Variants in SVEP1 observed in about 807,000 individuals in gnomAD.
The protein encoded by SVEP1 is sushi, von Willebrand factor type A, EGF and pentraxin domain-containing protein 1.
SVEP1 carries 164 observed loss-of-function variants against 367.3 expected under a neutral mutation model. That is an observed-to-expected ratio of 0.45 (90% CI 0.39 to 0.51). The LOEUF is 0.51. Among genes scored for constraint, SVEP1 ranks in the 20% least tolerant of loss-of-function variants. The pLI is 0.00. For missense variants in SVEP1, 4,117 were observed against 4,425.3 expected, an observed-to-expected ratio of 0.93 and a Z score of 1.98; for synonymous variants, 1,666 against 1,611.6, an observed-to-expected ratio of 1.03 and a Z score of -0.81.
intron 5 of SVEP1, among the ~76,000 whole-genome samples, chr9:110,505,044 G>A (rs759447750): frequency 1.8e-4 from 27 of 152,086 alleles, no homozygotes; most frequent in Non-Finnish European, 3.7e-4. Context: ...TGCTGAAAAC[G>A]CCCCCGTACC....
At chr9:110,388,428 T>C (rs1827559404) in intron 41 of SVEP1, among the ~76,000 whole-genome samples, 1 of 152,114 alleles carries the variant, frequency 6.6e-6, no homozygotes, top group African/African-American at 2.4e-5. Context: ...TTCTCAAGTT[T>C]GGCCGTACCT....
intron 22 of SVEP1, among the ~76,000 whole-genome samples, chr9:110,454,529 T>C (rs1828746969): frequency 6.6e-6 from 1 of 152,222 alleles, no homozygotes; most frequent in Non-Finnish European, 1.5e-5. Flanking sequence ...CCAGTGCTAT[T>C]TACAATAGCA....
intron 3 of SVEP1, among the ~76,000 whole-genome samples, chr9:110,527,909 T>C (rs937467693): frequency 2.0e-5 from 3 of 151,698 alleles, no homozygotes; most frequent in African/African-American, 7.3e-5. Context: ...CTGTATGCTT[T>C]GGCATACCCA....
chr9:110,482,086 T>C (rs1829199835), intron 11 of SVEP1, among the ~76,000 whole-genome samples: 1 of 152,240 alleles, frequency 6.6e-6, no homozygotes. Context: ...TCAGAATCTG[T>C]CTTCTCAAAC....
At chr9:110,384,729 C>T (rs1827494164) in intron 43 of SVEP1, among the ~76,000 whole-genome samples, 1 of 152,156 alleles carries the variant, frequency 6.6e-6, no homozygotes. Context: ...ATTTTGAGGA[C>T]AGAATTCAAA....
intron 7 of SVEP1, 110 bp downstream of exon 7, chr9:110,498,931 A>G: frequency 1.1e-6 from 1 of 921,308 alleles, no homozygotes. Context: ...GCACCTAACC[A>G]TATTATCATG....
At chr9:110,569,179 T>C (rs984806432) in intron 1 of SVEP1, among the ~76,000 whole-genome samples, 5 of 151,238 alleles carry the variant, frequency 3.3e-5, no homozygotes, top group Non-Finnish European at 7.4e-5. Context: ...TATCTGCTAG[T>C]GCTATAGGAT....
intron 41 of SVEP1, among the ~76,000 whole-genome samples, chr9:110,387,947 T>TTAAA (rs1827552067): frequency 6.9e-6 from 1 of 144,396 alleles, no homozygotes; most frequent in Non-Finnish European, 1.5e-5. Context: ...TTTAAATTAT[T>TTAAA]TTTCATCTGA....
chr9:110,529,618 T>C (rs1177430470), intron 3 of SVEP1, among the ~76,000 whole-genome samples: 1 of 147,404 alleles, frequency 6.8e-6, no homozygotes, highest in Non-Finnish European at 1.5e-5. Context: ...GTTTTTTTTT[T>C]GTTACTATTG....
At chr9:110,399,338 C>T (rs1827820645) in intron 40 of SVEP1, among the ~76,000 whole-genome samples, 1 of 140,530 alleles carries the variant, frequency 7.1e-6, no homozygotes, top group Non-Finnish European at 1.5e-5. Context: ...CACACTGGGT[C>T]CTGTTGTGGG....
chr9:110,461,117 T>C (rs866325223), intron 18 of SVEP1, among the ~76,000 whole-genome samples: 1 of 152,220 alleles, frequency 6.6e-6, no homozygotes, highest in Middle Eastern at 3.2e-3. Flanking sequence ...TAACCAAATC[T>C]GAAATTCTCT....
In SVEP1 at chr9:110,431,932, T is replaced by A; in HGVS notation, c.5336A>T (p.Asp1779Val). ...ICSCVPPYTG[D>V]GKNCAEPIKC... Reference sequence around the variant, plus strand: ...TTGGTTACCTGCACAGTTTTTCCCATCTCCTGTGTACGGTGGGACACATGA... The same window carrying A: ...TTGGTTACCTGCACAGTTTTTCCCAACTCCTGTGTACGGTGGGACACATGA... Residue 1779 changes from aspartate to valine, a missense_variant, in exon 32 of 48, where the codon GAT becomes GTT. Physicochemically the swap from Asp to Val is radical, Grantham distance 152. Coordinates refer to ENST00000374469, the MANE Select transcript of SVEP1 (RefSeq NM_153366.4). 6.2e-7 allele frequency: 1 copy of A among 1,613,658 alleles called. No individual in the cohort carries two copies. The highest frequency in any genetic ancestry group is 8.5e-7 in the Non-Finnish European group (1 of 1,179,666).
intron 1 of SVEP1, among the ~76,000 whole-genome samples, chr9:110,574,641 A>G (rs890067482): frequency 6.6e-6 from 1 of 151,984 alleles, no homozygotes; most frequent in African/African-American, 2.4e-5. Context: ...TCTAAATCTT[A>G]TATTTTAGTT....
chr9:110,458,681 C>T (rs1828813154), intron 19 of SVEP1, 119 bp from the exon 20 acceptor site: 7 of 1,057,454 alleles, frequency 6.6e-6, no homozygotes, highest in Admixed American at 2.8e-5. Flanking sequence ...TATTTTGTTT[C>T]ACTTATATTT....
At chr9:110,489,624 G>C in intron 9 of SVEP1, 26 bp downstream of exon 9, 1 of 1,595,954 alleles carries the variant, frequency 6.3e-7, no homozygotes, top group Non-Finnish European at 8.5e-7. Context: ...GTTTGGATGG[G>C]GAAACAACCA....
chr9:110,472,431 A>T, intron 14 of SVEP1, 108 bp from the exon 15 acceptor site: 1 of 1,111,206 alleles, frequency 9.0e-7, no homozygotes, highest in Non-Finnish European at 1.2e-6. Context: ...ATTTCCTCAA[A>T]TGCCCATAAC....
chr9:110,383,369 T>G (rs1386266664), intron 43 of SVEP1, among the ~76,000 whole-genome samples: 1 of 152,156 alleles, frequency 6.6e-6, no homozygotes, highest in Non-Finnish European at 1.5e-5. Flanking sequence ...CAGACCCTAT[T>G]TGCCTGGGTC....
intron 6 of SVEP1, among the ~76,000 whole-genome samples, chr9:110,502,266 C>T (rs1176746238): frequency 1.3e-5 from 2 of 151,856 alleles, no homozygotes; most frequent in African/African-American, 4.8e-5. Flanking sequence ...CCACACCTAG[C>T]TATTTTTTTA....
chr9:110,467,658 T>C lies in SVEP1; in HGVS notation c.3160+1282A>G, dbSNP rs1828957652. ...TTACTTTTTTTTTTTTTTTTTGAGA[T>C]AGGGTCTTGCTCTGTCCCTCAGGCT... On this transcript the variant is annotated intron_variant, in intron 17 of 47. Coordinates refer to ENST00000374469, the MANE Select transcript of SVEP1 (RefSeq NM_153366.4). 7.4e-5 allele frequency among the ~76,000 whole-genome samples: 11 copies of C among 148,582 alleles called. No homozygotes were observed. The South Asian group carries it at 2.1e-3, about 29-fold the overall frequency.
Sources: allele counts gnomAD v4.1 joint callset (sites outside exome capture counted in the v4.1 genomes callset), GRCh38; gene constraint gnomAD v4.1.1; transcripts MANE v1.5; gene names NCBI Gene and HGNC (gene_info 2026-07-23, HGNC 2026-07-21).